DNAH12: variants seen among roughly 807,000 people sequenced by gnomAD.
DNAH12 encodes the protein axonemal beta dynein heavy chain 12.
A neutral mutation model predicts 371.5 loss-of-function variants in DNAH12; 285 were observed. The observed-to-expected ratio is 0.77, with a 90% confidence interval of 0.70 to 0.85. The LOEUF (loss-of-function observed/expected upper bound fraction) is 0.85. DNAH12 is among the 40% of genes least tolerant of loss of function. The pLI is 0.00. For missense variants in DNAH12, 3,611 were observed against 3,689.4 expected, an observed-to-expected ratio of 0.98 and a Z score of 0.55; for synonymous variants, 1,200 against 1,213.0, an observed-to-expected ratio of 0.99 and a Z score of 0.22.
Position 57,384,870 on chromosome 3 carries a change from G to GA in DNAH12, c.7818dup (p.Pro2607SerfsTer14), listed in dbSNP as rs2063470837. 6.6e-6 allele frequency: 1 copy of GA among 152,146 alleles called. No homozygotes were observed. Among genetic ancestry groups the GA allele is most frequent in the African/African-American group, 2.4e-5 (1 of 41,430 alleles). The allele number at this position is 152,146 out of a possible 1,614,324, so 9.4% of individuals were successfully genotyped here. On this transcript the variant is annotated frameshift_variant, in exon 49 of 74. Transcript: ENST00000495027. LOFTEE classifies it high-confidence loss of function. ...GCAGACAGAGCTGCTTCCAAGGCTG[G>GA]AATCGCCTCAGCTAGGTCACTTTCA... is the stretch of plus-strand genomic sequence containing the variant.
chr3:57,400,948 T>C (rs1319806270), intron 43 of DNAH12, among the ~76,000 whole-genome samples: 1 of 152,176 alleles, frequency 6.6e-6, no homozygotes, highest in Non-Finnish European at 1.5e-5. Flanking sequence ...TTCTCTAGGA[T>C]AGACCACATT....
At chr3:57,553,967 G>T in the DNAH12 span, among the ~76,000 whole-genome samples, 1 of 151,476 alleles carries the variant, frequency 6.6e-6, no homozygotes, top group African/African-American at 2.4e-5. Flanking sequence ...TGGGATTACA[G>T]GCGAACACCA....
chr3:57,296,582 GT>G, intron 71 of DNAH12, 147 bp from the exon 72 acceptor site: 1 of 773,370 alleles, frequency 1.3e-6, no homozygotes, highest in Non-Finnish European at 2.0e-6. Context: ...GCCGTAGTTT[GT>G]AAAAAAGTAT....
chr3:57,294,882 T>C (rs2061201240), intron 73 of DNAH12, among the ~76,000 whole-genome samples: 1 of 152,206 alleles, frequency 6.6e-6, no homozygotes, highest in African/African-American at 2.4e-5. Flanking sequence ...ATGAGAATAT[T>C]TGATAGGTTG....
intron 4 of DNAH12, among the ~76,000 whole-genome samples, chr3:57,520,821 T>A (rs967259300): frequency 2.6e-5 from 4 of 152,138 alleles, no homozygotes; most frequent in Non-Finnish European, 5.9e-5. Context: ...ACAAGTCCTT[T>A]GTTGGATAGC....
intron 58 of DNAH12, among the ~76,000 whole-genome samples, chr3:57,360,686 A>G (rs2062906874): frequency 1.1e-4 from 1 of 9,278 alleles, no homozygotes; most frequent in Non-Finnish European, 2.8e-4. Flanking sequence ...AAACTCTGTA[A>G]CAACAACAAC....
upstream of DNAH12, among the ~76,000 whole-genome samples, chr3:57,548,376 G>A (rs890519804): frequency 2.6e-5 from 4 of 152,124 alleles, no homozygotes; most frequent in Non-Finnish European, 5.9e-5. Context: ...TTGACTTTGG[G>A]AAGCCTGTCA....
At chr3:57,487,422 G>GAA (rs964977900) in intron 12 of DNAH12, among the ~76,000 whole-genome samples, 1 of 141,798 alleles carries the variant, frequency 7.1e-6, no homozygotes, top group African/African-American at 2.5e-5. Flanking sequence ...GAAAAAGAAA[G>GAA]AAAAAAAAGA....
intron 59 of DNAH12, among the ~76,000 whole-genome samples, 180 bp from the exon 60 acceptor site, chr3:57,352,405 G>A (rs2037545): frequency 0.65 from 98,954 of 151,944 alleles, 32,879 homozygotes; most frequent in Non-Finnish European, 0.74. Context: ...TTGTAGCAAT[G>A]TCAGTTTCTC....
chr3:57,454,878 G>A lies in DNAH12; in HGVS notation c.3353C>T (p.Ala1118Val). 5 of 1,550,794 alleles carry A rather than the reference G, an allele frequency of 3.2e-6. No homozygotes were observed. Among genetic ancestry groups the A allele is most frequent in the Non-Finnish European group, 4.4e-6 (5 of 1,146,644 alleles). ...CCACTCTCGAACCCAGTCTCTTCTT[G>A]CAGATTCTGGATAAGCCTGAACAAT... ...AAARLAYPESARRDWVREWPG... is the reference protein window; with the variant it reads ...AAARLAYPESVRRDWVREWPG... Residue 1118 changes from alanine to valine, a missense_variant, in exon 23 of 74, where the codon GCA becomes GTA. Coordinates refer to ENST00000495027, the MANE Select transcript of DNAH12 (RefSeq NM_001366028.2).
chr3:57,392,279 C>T (rs1316857718), intron 44 of DNAH12, among the ~76,000 whole-genome samples: 4 of 151,810 alleles, frequency 2.6e-5, no homozygotes, highest in African/African-American at 9.7e-5. Flanking sequence ...AGTTATCTGC[C>T]AAGAATTTAC....
Position 57,461,694 on chromosome 3 carries a change from A to G in DNAH12, c.2536-5T>C, listed in dbSNP as rs780321246. ...GGCTTTCTCTAATGAAAATTCCTAAAACGGAGGAATGAAGAAAGAACGGGA... is the reference window on the plus strand; with the variant it reads ...GGCTTTCTCTAATGAAAATTCCTAAGACGGAGGAATGAAGAAAGAACGGGA... On this transcript the variant is annotated splice_polypyrimidine_tract_variant and splice_region_variant and intron_variant, in intron 18 of 73. Coordinates refer to ENST00000495027, the MANE Select transcript of DNAH12 (RefSeq NM_001366028.2). 92 of 1,548,452 alleles carry G rather than the reference A, an allele frequency of 5.9e-5. No individual in the cohort carries two copies. Among genetic ancestry groups the G allele is most frequent in the Non-Finnish European group, 7.4e-5 (85 of 1,145,662 alleles).
At chr3:57,433,283 TTAAA>T in intron 32 of DNAH12, 80 bp downstream of exon 32, 1 of 1,381,184 alleles carries the variant, frequency 7.2e-7, no homozygotes, top group Non-Finnish European at 9.4e-7. Context: ...ATCCTTTATT[TTAAA>T]TAGAGTCCTA....
At chr3:57,374,747 A>G (rs2063246538) in intron 55 of DNAH12, among the ~76,000 whole-genome samples, 2 of 143,128 alleles carry the variant, frequency 1.4e-5, no homozygotes, top group Non-Finnish European at 1.6e-5. Flanking sequence ...ATGCAATAAC[A>G]TGGATAAATC....
chr3:57,445,787 G>C (rs1019960904), intron 27 of DNAH12, among the ~76,000 whole-genome samples: 1 of 151,960 alleles, frequency 6.6e-6, no homozygotes, highest in African/African-American at 2.4e-5. Flanking sequence ...AGGAGATCAA[G>C]ACCATCCTGG....
chr3:57,435,554 G>A (rs2065096310), intron 30 of DNAH12, among the ~76,000 whole-genome samples: 1 of 152,094 alleles, frequency 6.6e-6, no homozygotes, highest in Non-Finnish European at 1.5e-5. Context: ...ATAGGAACAT[G>A]GAGCTGTCTA....
chr3:57,341,924 A>C (rs937434017), intron 60 of DNAH12, among the ~76,000 whole-genome samples: 8 of 152,190 alleles, frequency 5.3e-5, no homozygotes. Context: ...AGACACACAG[A>C]CCAGTGGAAC....
chr3:57,454,234 A>G (rs2065838967), intron 23 of DNAH12, among the ~76,000 whole-genome samples: 1 of 152,088 alleles, frequency 6.6e-6, no homozygotes, highest in Admixed American at 6.5e-5. Flanking sequence ...TAATCCCAGC[A>G]CTTTGGGAGG....
At chr3:57,411,520 C>T (rs547938190) in intron 39 of DNAH12, among the ~76,000 whole-genome samples, 21 of 88,814 alleles carry the variant, frequency 2.4e-4, no homozygotes, top group Middle Eastern at 0.013. Context: ...GAGTGAGACA[C>T]TGTCTCAAAA....
Sources: gnomAD v4.1 joint callset for allele counts (sites outside exome capture counted in the v4.1 genomes callset) on GRCh38, gnomAD v4.1.1 for gene constraint, MANE v1.5 for transcripts, NCBI Gene and HGNC (gene_info 2026-07-23, HGNC 2026-07-21) for gene names.